Variants in NDRG3 observed in about 807,000 individuals in gnomAD.
NDRG3 encodes the protein protein NDRG3.
A neutral mutation model predicts 57.2 loss-of-function variants in NDRG3; 23 were observed. The observed-to-expected ratio is 0.40, with a 90% CI of 0.29 to 0.57. The LOEUF (loss-of-function observed/expected upper bound fraction) is 0.57, where lower values mean the gene tolerates loss of function less well. Among genes scored for constraint, NDRG3 ranks in the 20% least tolerant of loss-of-function variants. The pLI is 0.42. For synonymous variants in NDRG3, 132 were observed against 162.6 expected (o/e 0.81, Z 1.43); for missense variants, 384 against 457.3 (o/e 0.84, Z 1.46).
rs539323795 is a variant in NDRG3 at position 36,665,009 on chromosome 20, G to T, written c.810+37C>A. 1.8e-4 allele frequency: 294 copies of T among 1,600,320 alleles called. 2 individuals are homozygous for T. The South Asian group carries it at 3.0e-3, about 16-fold the overall frequency. On this transcript the variant is annotated intron_variant, in intron 12 of 15. Transcript: ENST00000349004. Reference sequence around the variant, plus strand: ...TGGCCTACACATTTTATTACATTTTGATCTCATTCATCTTCACAGCATGAG... The same window carrying T: ...TGGCCTACACATTTTATTACATTTTTATCTCATTCATCTTCACAGCATGAG...
intron 3 of NDRG3, among the ~76,000 whole-genome samples, chr20:36,700,162 T>C (rs561312026): frequency 1.3e-5 from 2 of 149,416 alleles, no homozygotes; most frequent in African/African-American, 4.9e-5. Context: ...GCAAAGTTAC[T>C]ACTTTGTTGC....
chr20:36,669,499 G>C (rs1979952820), intron 9 of NDRG3, among the ~76,000 whole-genome samples: 1 of 151,804 alleles, frequency 6.6e-6, no homozygotes. Context: ...CAAAGTGCTG[G>C]GATTACAGGC....
chr20:36,698,639 T>C (rs1040280804), intron 3 of NDRG3, among the ~76,000 whole-genome samples: 1 of 151,788 alleles, frequency 6.6e-6, no homozygotes. Context: ...CCTATACAGT[T>C]CAAACCTGTG....
At position 36,739,133 on chromosome 20, in the gene NDRG3, TCAAAAAAAAAAAAAAAAAA is replaced by T. The variant is rs1392667036; in HGVS notation, c.-49+6893_-49+6911del. 9.5e-5 allele frequency among the ~76,000 whole-genome samples: 3 copies of T among 31,526 alleles called. No homozygotes were observed. In the South Asian group the frequency reaches 4.4e-3, roughly 46 times the overall value. 20.7% of individuals were successfully genotyped at this position (31,526 alleles called of 152,430 possible). ...CTGGGTGACAAAACGAGACCCCATC[TCAAAAAAAAAAAAAAAAAA>T]AAAAAAAAAAAAAAGGCCAGGCACA... On this transcript the variant is annotated intron_variant, in intron 1 of 15. Transcript: ENST00000349004.
At chr20:36,745,079 T>A (rs866433214) in intron 1 of NDRG3, among the ~76,000 whole-genome samples, 1 of 150,632 alleles carries the variant, frequency 6.6e-6, no homozygotes, top group African/African-American at 2.4e-5. Flanking sequence ...TCCACGGGGC[T>A]CCTAGTCTAC....
At position 36,731,995 on chromosome 20, in the gene NDRG3, C is replaced by T. The variant is rs904104396; in HGVS notation, c.-48-10212G>A. On this transcript the variant is annotated intron_variant, in intron 1 of 15. Coordinates refer to ENST00000349004, the MANE Select transcript of NDRG3 (RefSeq NM_032013.4). ...AATTAGCAGGGTGTGATGGTATGTG[C>T]CTGTAGTATCAGCCACTCAGGAGGC... 1.6e-4 allele frequency among the ~76,000 whole-genome samples: 24 copies of T among 151,854 alleles called. 1 individual carries two copies. Among genetic ancestry groups the T allele is most frequent in the Middle Eastern group, 3.2e-3 (1 of 316 alleles).
At chr20:36,718,459 T>C (rs1056284586) in intron 2 of NDRG3, among the ~76,000 whole-genome samples, 2 of 152,202 alleles carry the variant, frequency 1.3e-5, no homozygotes, top group African/African-American at 4.8e-5. Flanking sequence ...CACTGCTTTG[T>C]GTCTTAGTCT....
chr20:36,686,646 C>T (rs1432928533), intron 5 of NDRG3, among the ~76,000 whole-genome samples: 4 of 152,138 alleles, frequency 2.6e-5, no homozygotes, highest in Admixed American at 2.6e-4. Context: ...ATGACTCTGC[C>T]CTGCGAAGCA....
At chr20:36,706,027 G>A (rs1442322812) in intron 3 of NDRG3, among the ~76,000 whole-genome samples, 1 of 152,174 alleles carries the variant, frequency 6.6e-6, no homozygotes, top group Admixed American at 6.5e-5. Flanking sequence ...TTACAGGCAT[G>A]AGCCACTGTG....
intron 13 of NDRG3, among the ~76,000 whole-genome samples, chr20:36,657,173 G>T (rs1978745850): frequency 6.6e-6 from 1 of 152,088 alleles, no homozygotes; most frequent in South Asian, 2.1e-4. Context: ...GATTTGATAG[G>T]TTTGGGGTAT....
intron 1 of NDRG3, among the ~76,000 whole-genome samples, chr20:36,735,951 G>A (rs552034417): frequency 5.4e-5 from 8 of 147,126 alleles, no homozygotes; most frequent in East Asian, 2.0e-4. Flanking sequence ...TCCAGCCTGG[G>A]CAGAGCGAGG....
rs751182908 is a variant in NDRG3, at chr20:36,656,413, TG to T, written c.895-3del. ...GAAGGCCTCGGTGAGCTTCCCAGGC[TG>T]GGGGGATAAAACAAGAGGGCATTAA... On this transcript the variant is annotated splice_polypyrimidine_tract_variant and splice_region_variant and intron_variant, in intron 14 of 15. Transcript: ENST00000349004. The T allele has an allele frequency of 2.5e-6, 4 of 1,614,092 alleles. No individual in the cohort carries two copies. The highest frequency in any genetic ancestry group is 2.2e-5 in the East Asian group (1 of 44,878).
rs1430567495 is a variant in NDRG3 at position 36,656,416 on chromosome 20, G to A, written c.895-5C>T. On this transcript the variant is annotated splice_polypyrimidine_tract_variant and splice_region_variant and intron_variant, in intron 14 of 15. Transcript: ENST00000349004. ...GGCCTCGGTGAGCTTCCCAGGCTGGGGGGATAAAACAAGAGGGCATTAATT... is the reference window on the plus strand; with the variant it reads ...GGCCTCGGTGAGCTTCCCAGGCTGGAGGGATAAAACAAGAGGGCATTAATT... The A allele has an allele frequency of 2.5e-6, 4 of 1,614,124 alleles. No homozygotes were observed. Among genetic ancestry groups the A allele is most frequent in the Non-Finnish European group, 3.4e-6 (4 of 1,180,034 alleles).
chr20:36,685,141 A>G (rs995503548), intron 5 of NDRG3, among the ~76,000 whole-genome samples: 1 of 152,078 alleles, frequency 6.6e-6, no homozygotes, highest in Non-Finnish European at 1.5e-5. Context: ...GTAAGAGTCA[A>G]CTCAGAAAGG....
At chr20:36,681,585 G>A (rs1238646257) in intron 7 of NDRG3, among the ~76,000 whole-genome samples, 12 of 142,076 alleles carry the variant, frequency 8.4e-5, no homozygotes, top group East Asian at 2.1e-4. Flanking sequence ...GCAGTGAGCC[G>A]AGATTGCACC....
intron 12 of NDRG3, among the ~76,000 whole-genome samples, chr20:36,662,071 G>C (rs1218536181): frequency 1.3e-5 from 2 of 152,090 alleles, no homozygotes; most frequent in African/African-American, 4.8e-5. Flanking sequence ...TTAGAACATA[G>C]TAGATAGACT....
At chr20:36,702,326 T>C (rs921200575) in intron 3 of NDRG3, among the ~76,000 whole-genome samples, 1 of 151,852 alleles carries the variant, frequency 6.6e-6, no homozygotes, top group Non-Finnish European at 1.5e-5. Context: ...TTAGTAGAGA[T>C]GGGGTTTCAC....
chr20:36,689,143 G>A (rs933411664), intron 3 of NDRG3, among the ~76,000 whole-genome samples: 2 of 152,184 alleles, frequency 1.3e-5, no homozygotes, highest in Non-Finnish European at 2.9e-5. Flanking sequence ...ACAGTGAGCT[G>A]AGATCGTGCT....
Position 36,682,570 on chromosome 20 carries a change from C to A in NDRG3, c.392G>T (p.Ser131Ile). ...AGCTCCAACTCCAATTCCAATGATG[C>A]TTTTCAGGCTGTGAATGGGACATAA... Reference protein sequence around the residue: ...PPVLTHLSLKSIIGIGVGAGA... With the variant: ...PPVLTHLSLKIIIGIGVGAGA... The change falls in exon 7 of 16, where the codon AGC becomes ATC. Residue 131 changes from serine (S) to isoleucine (I), a missense_variant. By Grantham distance (142) the Ser-to-Ile change is moderately radical (BLOSUM62 -2). Coordinates refer to ENST00000349004, the MANE Select transcript of NDRG3 (RefSeq NM_032013.4). The A allele has an allele frequency of 6.2e-7, 1 of 1,613,956 alleles. No homozygotes were observed. The highest frequency in any genetic ancestry group is 8.5e-7 in the Non-Finnish European group (1 of 1,179,886).
Sources: allele counts gnomAD v4.1 joint callset (sites outside exome capture counted in the v4.1 genomes callset), GRCh38; gene constraint gnomAD v4.1.1; transcripts MANE v1.5; gene names NCBI Gene and HGNC (gene_info 2026-07-23, HGNC 2026-07-21).